Variants in SLC35H1 observed in about 807,000 individuals in gnomAD.
The protein encoded by SLC35H1 is solute carrier family 35 member H1.
chr20:46,346,870 G>A, the SLC35H1 span: 1 of 128,604 alleles, frequency 7.8e-6, no homozygotes, highest in African/African-American at 2.9e-5. Flanking sequence ...TGGGCAATAA[G>A]AGCAAAAACT....
At chr20:46,351,585 G>A in the SLC35H1 span, among the ~76,000 whole-genome samples, 2 of 152,282 alleles carry the variant, frequency 1.3e-5, no homozygotes, top group African/African-American at 2.4e-5. Context: ...GCTGGCCACA[G>A]GGGTGCTTTC....
At chr20:46,349,276 T>A in the SLC35H1 span, 2 of 152,230 alleles carry the variant, frequency 1.3e-5, no homozygotes, top group Non-Finnish European at 2.9e-5. Flanking sequence ...CCACAGCACA[T>A]CAGAGCTGGG....
chr20:46,355,008 T>TGCCCTGCCTCC, the SLC35H1 span: 3 of 1,613,592 alleles, frequency 1.9e-6, no homozygotes, highest in African/African-American at 4.0e-5. The surrounding 1 kb of genome is among the most constrained non-coding windows in gnomAD (Gnocchi z 4.8). Flanking sequence ...GGTCCGGCCC[T>TGCCCTGCCTCC]GCCCTGCCTC....
the SLC35H1 span, chr20:46,352,158 C>T: frequency 6.2e-7 from 1 of 1,614,200 alleles, no homozygotes; most frequent in Non-Finnish European, 8.5e-7. Context: ...AAGAGGCTCC[C>T]AAGTACCCGC....
the SLC35H1 span, chr20:46,346,217 TGG>T: frequency 1.3e-5 from 2 of 151,978 alleles, no homozygotes; most frequent in Non-Finnish European, 2.9e-5. Flanking sequence ...GGCCTGTTTC[TGG>T]GAAGTATGTT....
At chr20:46,351,027 CAG>C in the SLC35H1 span, 1 of 1,189,600 alleles carries the variant, frequency 8.4e-7, no homozygotes, top group Non-Finnish European at 1.2e-6. Context: ...CCCAGGCAGG[CAG>C]AGAGGTCAGG....
At chr20:46,352,105 G>A in the SLC35H1 span, 2 of 1,614,198 alleles carry the variant, frequency 1.2e-6, no homozygotes, top group Non-Finnish European at 1.7e-6. Context: ...AGACCAGGAG[G>A]AACTCAGAGA....
chr20:46,355,502 C>T, the SLC35H1 span: 8 of 622,744 alleles, frequency 1.3e-5, no homozygotes, highest in Non-Finnish European at 2.2e-5. The surrounding 1 kb of genome is among the most constrained non-coding windows in gnomAD (Gnocchi z 4.8). Context: ...GTGGTCCCAC[C>T]TCCTCCCTGG....
the SLC35H1 span, chr20:46,350,332 C>T: frequency 8.5e-6 from 13 of 1,530,862 alleles, no homozygotes; most frequent in Non-Finnish European, 1.1e-5. Flanking sequence ...GCGGCTTGAG[C>T]ACAGTGAGTG....
At chr20:46,358,634 G>A in the SLC35H1 span, 1 of 1,558,362 alleles carries the variant, frequency 6.4e-7, no homozygotes, top group Admixed American at 1.9e-5. Context: ...GGCTGGAGGA[G>A]CTCTCTGCAG....
chr20:46,358,217 G>A, the SLC35H1 span, among the ~76,000 whole-genome samples: 1 of 152,288 alleles, frequency 6.6e-6, no homozygotes, highest in East Asian at 1.9e-4. Context: ...AAACACTGAA[G>A]GGGAACCCTG....
the SLC35H1 span, chr20:46,356,684 C>T: frequency 1.3e-6 from 2 of 1,577,712 alleles, no homozygotes; most frequent in Non-Finnish European, 1.7e-6. Flanking sequence ...GGTCCACACT[C>T]TGCTGGGGTG....
At chr20:46,357,700 G>A in the SLC35H1 span, 10 of 1,614,112 alleles carry the variant, frequency 6.2e-6, no homozygotes, top group South Asian at 4.4e-5. Context: ...CTGAACCAGC[G>A]CCCTGGACAG....
At chr20:46,350,892 TG>T in the SLC35H1 span, 2 of 1,613,616 alleles carry the variant, frequency 1.2e-6, no homozygotes, top group Admixed American at 1.7e-5. Flanking sequence ...GCAGACTTCC[TG>T]GGGGCAGAGA....
chr20:46,350,686 T>G, the SLC35H1 span: 1 of 1,569,212 alleles, frequency 6.4e-7, no homozygotes, highest in Admixed American at 1.8e-5. Context: ...CGGGCACACT[T>G]CCTGCATCAG....
At chr20:46,359,164 C>T in the SLC35H1 span, among the ~76,000 whole-genome samples, 1 of 152,338 alleles carries the variant, frequency 6.6e-6, no homozygotes, top group Middle Eastern at 3.4e-3. Flanking sequence ...AGCTTTCTTC[C>T]CGTTGTCTGA....
chr20:46,350,654 G>C, the SLC35H1 span: 1 of 1,506,720 alleles, frequency 6.6e-7, no homozygotes, highest in Non-Finnish European at 9.0e-7. Flanking sequence ...TCTTCCTAGA[G>C]GAGTGACGGC....
the SLC35H1 span, chr20:46,356,615 C>A: frequency 6.2e-7 from 1 of 1,614,080 alleles, no homozygotes; most frequent in Non-Finnish European, 8.5e-7. Context: ...TGGACAAGCC[C>A]ACGTCAAGCG....
At chr20:46,356,922 C>A in the SLC35H1 span, among the ~76,000 whole-genome samples, 44 of 152,344 alleles carry the variant, frequency 2.9e-4, 1 homozygote, top group African/African-American at 1.0e-3. Flanking sequence ...TTAACCTGAT[C>A]TGGTTGATCC....
Sources: gnomAD v4.1 joint callset for allele counts (sites outside exome capture counted in the v4.1 genomes callset) on GRCh38, gnomAD v4.1.1 for gene constraint, Gnocchi (gnomAD v3.1) non-coding constraint, MANE v1.5 for transcripts, NCBI Gene and HGNC (gene_info 2026-07-23, HGNC 2026-07-21) for gene names.